Variants in PTPRD observed in about 807,000 individuals in gnomAD.
PTPRD encodes the protein protein tyrosine phosphatase receptor type D, also known as receptor-type tyrosine-protein phosphatase delta.
In PTPRD, 34 loss-of-function variants were observed where a neutral mutation model predicts 214.5. The observed-to-expected ratio is 0.16, with a 90% CI of 0.12 to 0.21. The LOEUF (loss-of-function observed/expected upper bound fraction) is 0.21, where lower values mean the gene tolerates loss of function less well. Among genes scored for constraint, PTPRD ranks in the 10% least tolerant of loss-of-function variants. PTPRD has a pLI of 1.00. For synonymous variants in PTPRD, 1,128 were observed against 845.7 expected (o/e 1.33, Z -5.79); for missense variants, 2,545 against 2,398.7 (o/e 1.06, Z -1.27).
At chr9:10,486,464 C>T (rs529889784) in intron 2 of PTPRD, among the ~76,000 whole-genome samples, 281 of 152,216 alleles carry the variant, frequency 1.8e-3, no homozygotes, top group African/African-American at 6.7e-3. Context: ...TTGTTTTGGG[C>T]AGGTTTGTCA....
At chr9:10,299,765 C>G (rs1028283080) in intron 3 of PTPRD, among the ~76,000 whole-genome samples, 6 of 152,090 alleles carry the variant, frequency 3.9e-5, no homozygotes, top group African/African-American at 1.4e-4. Context: ...GTCAAGCAAA[C>G]TAAATATTTG....
At chr9:8,873,709 G>T (rs566536390) in intron 11 of PTPRD, among the ~76,000 whole-genome samples, 1 of 152,054 alleles carries the variant, frequency 6.6e-6, no homozygotes, top group African/African-American at 2.4e-5. Context: ...TATGTAAGTG[G>T]TTGATTTTAA....
At chr9:8,599,091 G>C (rs1225997713) in intron 14 of PTPRD, among the ~76,000 whole-genome samples, 1 of 152,084 alleles carries the variant, frequency 6.6e-6, no homozygotes, top group African/African-American at 2.4e-5. Context: ...CTGTTCTCAT[G>C]AGACTTAATA....
chr9:9,926,067 C>T (rs536669129), intron 5 of PTPRD, among the ~76,000 whole-genome samples: 7 of 152,072 alleles, frequency 4.6e-5, no homozygotes, highest in African/African-American at 1.4e-4. Flanking sequence ...CAGGCTCAAG[C>T]GATCCTCCTG....
At chr9:10,450,707 T>G (rs539850284) in intron 2 of PTPRD, among the ~76,000 whole-genome samples, 1 of 152,116 alleles carries the variant, frequency 6.6e-6, no homozygotes, top group Admixed American at 6.5e-5. Flanking sequence ...CAGTTTGTAG[T>G]CATTATTTAA....
intron 9 of PTPRD, among the ~76,000 whole-genome samples, chr9:9,366,967 C>T (rs1460432604): frequency 6.6e-6 from 1 of 150,806 alleles, no homozygotes; most frequent in African/African-American, 2.4e-5. Flanking sequence ...AAAAAAATTA[C>T]AAAATGTCCT....
chr9:8,444,604 C>T (rs1027085887), intron 34 of PTPRD, among the ~76,000 whole-genome samples: 2 of 151,782 alleles, frequency 1.3e-5, no homozygotes, highest in African/African-American at 2.4e-5. Flanking sequence ...TTTGTTGGAC[C>T]GTTTCCCACC....
chr9:8,930,192 T>C (rs1475545909), intron 11 of PTPRD, among the ~76,000 whole-genome samples: 2 of 150,372 alleles, frequency 1.3e-5, no homozygotes, highest in African/African-American at 2.5e-5. Context: ...TTCCCACCTA[T>C]GAGTGAGAAC....
rs1006641121 is a variant in PTPRD at position 10,025,166 on chromosome 9, A to C, written c.-472+8552T>G. 2.0e-5 allele frequency among the ~76,000 whole-genome samples: 3 copies of C among 152,152 alleles called. No individual in the cohort carries two copies. The East Asian group carries it at 5.8e-4, about 29-fold the overall frequency. On this transcript the variant is annotated intron_variant, in intron 4 of 45. Transcript: ENST00000381196. ...TACCCAGTAATGGGATGGCTAGGTC[A>C]AATGGTATTTCTAGTTCTAGATCCC... is the stretch of plus-strand genomic sequence containing the variant.
chr9:9,317,659 A>C (rs1367646887), intron 9 of PTPRD, among the ~76,000 whole-genome samples: 2 of 152,092 alleles, frequency 1.3e-5, no homozygotes, highest in African/African-American at 4.8e-5. Context: ...TTTGAAAAAA[A>C]TTTCAGTTTT....
At position 9,172,225 on chromosome 9, in the gene PTPRD, G is replaced by A. The variant is rs554514958; in HGVS notation, c.-143+11079C>T. Among the ~76,000 whole-genome samples, 22 of 152,208 alleles carry A rather than the reference G, an allele frequency of 1.4e-4. No homozygotes were observed. The South Asian group carries it at 2.1e-3, about 14-fold the overall frequency. ...ACAGAGACCCTAACACAAAATGAGTGCTGCATGAATATTTGTCAAAAAAGG... is the reference window on the plus strand; with the variant it reads ...ACAGAGACCCTAACACAAAATGAGTACTGCATGAATATTTGTCAAAAAAGG... On this transcript the variant is annotated intron_variant, in intron 10 of 45. Coordinates refer to ENST00000381196, the MANE Select transcript of PTPRD (RefSeq NM_002839.4).
chr9:9,855,594 G>T (rs897889685), intron 5 of PTPRD, among the ~76,000 whole-genome samples: 1 of 152,180 alleles, frequency 6.6e-6, no homozygotes, highest in African/African-American at 2.4e-5. Flanking sequence ...ATTTGACGGA[G>T]GGAGCGCACA....
chr9:8,796,709 G>A (rs1381929842), intron 11 of PTPRD, among the ~76,000 whole-genome samples: 1 of 152,024 alleles, frequency 6.6e-6, no homozygotes. Flanking sequence ...ATAGATTTAT[G>A]TAGGAGACTA....
intron 12 of PTPRD, among the ~76,000 whole-genome samples, chr9:8,651,859 T>C (rs1027197789): frequency 8.5e-5 from 13 of 152,236 alleles, no homozygotes; most frequent in Non-Finnish European, 1.8e-4. Flanking sequence ...CTTGGCACTA[T>C]AGACACAAGG....
At position 10,450,104 on chromosome 9, in the gene PTPRD, G is replaced by A. The variant is rs978965976; in HGVS notation, c.-599-109087C>T. 2.0e-5 allele frequency among the ~76,000 whole-genome samples: 3 copies of A among 151,676 alleles called. 1 individual carries two copies. Among genetic ancestry groups the A allele is most frequent in the South Asian group, 4.1e-4 (2 of 4,826 alleles). On this transcript the variant is annotated intron_variant, in intron 2 of 45. Transcript: ENST00000381196. ...AAGTACCCAGGGACACAAACACTGCGGAAGGCCGCAGGGTCCTCTGCCTAG... is the reference window on the plus strand; with the variant it reads ...AAGTACCCAGGGACACAAACACTGCAGAAGGCCGCAGGGTCCTCTGCCTAG...
intron 10 of PTPRD, among the ~76,000 whole-genome samples, chr9:9,099,341 CAT>C (rs1268943128): frequency 1.4e-4 from 21 of 152,264 alleles, no homozygotes; most frequent in Admixed American, 5.9e-4. Context: ...GTGTCTCTCA[CAT>C]GTGTCAAAAT....
At chr9:10,595,912 C>A (rs7018798) in intron 2 of PTPRD, among the ~76,000 whole-genome samples, 22,285 of 151,630 alleles carry the variant, frequency 0.15, 1,816 homozygotes, top group Non-Finnish European at 0.19. Flanking sequence ...AGACTGCGAT[C>A]TAAAAGAGAA....
At chr9:9,609,710 G>A (rs2094413251) in intron 7 of PTPRD, among the ~76,000 whole-genome samples, 1 of 152,102 alleles carries the variant, frequency 6.6e-6, no homozygotes, top group Non-Finnish European at 1.5e-5. Context: ...TGATCCACCC[G>A]CCTTGTCCTC....
intron 35 of PTPRD, among the ~76,000 whole-genome samples, chr9:8,430,615 T>C (rs1273193480): frequency 6.6e-6 from 1 of 152,076 alleles, no homozygotes; most frequent in Non-Finnish European, 1.5e-5. Context: ...CATCAATATC[T>C]TTTAAAATGT....
Sources: gnomAD v4.1 joint callset for allele counts (sites outside exome capture counted in the v4.1 genomes callset) on GRCh38, gnomAD v4.1.1 for gene constraint, MANE v1.5 for transcripts, NCBI Gene and HGNC (gene_info 2026-07-23, HGNC 2026-07-21) for gene names.